AFF3: variants seen among roughly 807,000 people sequenced by gnomAD.
AFF3 encodes ALF transcription elongation factor 3.
Under a neutral mutation model 129.7 loss-of-function variants are expected in AFF3, and 32 were observed. That is an observed-to-expected ratio of 0.25 (90% CI 0.19 to 0.33). The LOEUF (loss-of-function observed/expected upper bound fraction) is 0.33. AFF3 is among the 10% of genes least tolerant of loss of function. AFF3 has a pLI of 1.00. For missense variants in AFF3, 1,373 were observed against 1,592.0 expected (o/e 0.86, Z 2.34); for synonymous variants, 644 against 635.4 (o/e 1.01, Z -0.20).
chr2:100,062,445 A>C (rs2105240264), intron 4 of AFF3, among the ~76,000 whole-genome samples: 1 of 152,310 alleles, frequency 6.6e-6, no homozygotes, highest in South Asian at 2.1e-4. Flanking sequence ...AAAAAGGAAA[A>C]GGAACAAACA....
chr2:99,826,746 G>A (rs1460434556), intron 8 of AFF3, among the ~76,000 whole-genome samples: 1 of 152,142 alleles, frequency 6.6e-6, no homozygotes, highest in Admixed American at 6.5e-5. Context: ...TGCAAACCAC[G>A]TCTGGGGGTC....
intron 13 of AFF3, among the ~76,000 whole-genome samples, chr2:99,634,409 C>T (rs904986318): frequency 2.0e-5 from 3 of 152,260 alleles, no homozygotes; most frequent in East Asian, 1.9e-4. Flanking sequence ...TGAGCCCTTC[C>T]GATTATTCAG....
intron 7 of AFF3, among the ~76,000 whole-genome samples, chr2:99,897,955 A>G (rs1694091764): frequency 6.6e-6 from 1 of 152,228 alleles, no homozygotes; most frequent in Non-Finnish European, 1.5e-5. Context: ...TGAATTGATA[A>G]GAAGAAACAA....
chr2:99,997,119 G>GTCAC (rs573928918), intron 7 of AFF3, among the ~76,000 whole-genome samples: 234 of 151,330 alleles, frequency 1.5e-3, no homozygotes, highest in African/African-American at 5.4e-3. Context: ...GGCATTAGAT[G>GTCAC]TCACGTGTAT....
chr2:100,114,546 T>C (rs1212956015), intron 2 of AFF3, among the ~76,000 whole-genome samples: 2 of 151,958 alleles, frequency 1.3e-5, no homozygotes, highest in African/African-American at 4.8e-5. Flanking sequence ...CACGCCTGGC[T>C]AATTTTGATA....
intron 11 of AFF3, among the ~76,000 whole-genome samples, chr2:99,699,492 T>C (rs1265506191): frequency 6.6e-6 from 1 of 152,242 alleles, no homozygotes; most frequent in Non-Finnish European, 1.5e-5. Flanking sequence ...TCTTCTGCTG[T>C]AGTTAATGAT....
At chr2:99,593,158 C>A (rs775590324) in intron 15 of AFF3, 37 bp downstream of exon 15, 1 of 1,530,374 alleles carries the variant, frequency 6.5e-7, no homozygotes. Flanking sequence ...GCCCCTTCCC[C>A]TCCACGCCCC....
chr2:99,805,441 T>C (rs1352977806), intron 8 of AFF3, among the ~76,000 whole-genome samples: 2 of 152,192 alleles, frequency 1.3e-5, no homozygotes, highest in Non-Finnish European at 2.9e-5. Context: ...GGCCTTGCGT[T>C]GTTCAGACAA....
At chr2:99,698,325 G>A (rs1189683503) in intron 11 of AFF3, among the ~76,000 whole-genome samples, 3 of 152,208 alleles carry the variant, frequency 2.0e-5, no homozygotes, top group African/African-American at 7.2e-5. Flanking sequence ...GGTATCTGCA[G>A]AGTGCTGACT....
At chr2:99,796,589 C>T (rs1364298533) in intron 8 of AFF3, among the ~76,000 whole-genome samples, 1 of 152,142 alleles carries the variant, frequency 6.6e-6, no homozygotes, top group Non-Finnish European at 1.5e-5. Flanking sequence ...AGTGAACACA[C>T]TGAGCTGAGA....
intron 13 of AFF3, chr2:99,631,084 G>C: frequency 2.7e-6 from 1 of 375,688 alleles, no homozygotes; most frequent in Non-Finnish European, 5.6e-6. Flanking sequence ...GTGGGGCTCA[G>C]GCAGGGCCTG....
At chr2:99,981,375 T>C (rs899301702) in intron 7 of AFF3, among the ~76,000 whole-genome samples, 1 of 152,214 alleles carries the variant, frequency 6.6e-6, no homozygotes, top group Non-Finnish European at 1.5e-5. Flanking sequence ...TTCCTTGAAG[T>C]GTTTAATGAA....
At chr2:99,959,851 T>C (rs970484741) in intron 7 of AFF3, among the ~76,000 whole-genome samples, 1 of 151,858 alleles carries the variant, frequency 6.6e-6, no homozygotes, top group Non-Finnish European at 1.5e-5. Context: ...CCGTGTTAGC[T>C]TCCTCTCTAC....
intron 12 of AFF3, among the ~76,000 whole-genome samples, chr2:99,654,361 G>C (rs1685557579): frequency 6.6e-6 from 1 of 152,098 alleles, no homozygotes; most frequent in East Asian, 1.9e-4. Flanking sequence ...ATATATACCA[G>C]AGCAAAGGCC....
chr2:99,923,790 G>A (rs563628644), intron 7 of AFF3, among the ~76,000 whole-genome samples: 4 of 152,056 alleles, frequency 2.6e-5, no homozygotes, highest in South Asian at 4.2e-4. Flanking sequence ...ATGGCCTACC[G>A]CAATATGTGT....
intron 9 of AFF3, 79 bp from the exon 10 acceptor site, chr2:99,744,219 A>G: frequency 7.6e-7 from 1 of 1,313,610 alleles, no homozygotes; most frequent in East Asian, 2.4e-5. Flanking sequence ...CATGTTTAAA[A>G]CTGGTCATTC....
intron 10 of AFF3, among the ~76,000 whole-genome samples, chr2:99,736,662 T>C (rs1005793783): frequency 2.8e-5 from 4 of 145,226 alleles, no homozygotes; most frequent in Non-Finnish European, 3.0e-5. Context: ...CAGGCTGGAG[T>C]GCAGTGGCAC....
At chr2:100,005,227 C>T (rs1681854446) in intron 7 of AFF3, among the ~76,000 whole-genome samples, 1 of 152,126 alleles carries the variant, frequency 6.6e-6, no homozygotes, top group Admixed American at 6.5e-5. Context: ...GCTTTACTGG[C>T]AATCAAAAAT....
chr2:99,822,928 A>G (rs1357349483), intron 8 of AFF3, among the ~76,000 whole-genome samples: 3 of 152,180 alleles, frequency 2.0e-5, no homozygotes, highest in Non-Finnish European at 4.4e-5. Flanking sequence ...ATAAATGCTT[A>G]TTTTGTAGAC....
Sources: gnomAD v4.1 joint callset for allele counts (sites outside exome capture counted in the v4.1 genomes callset) on GRCh38, gnomAD v4.1.1 for gene constraint, MANE v1.5 for transcripts, NCBI Gene and HGNC (gene_info 2026-07-23, HGNC 2026-07-21) for gene names.